Variants in SUGCT observed in about 807,000 individuals in gnomAD.
SUGCT encodes the protein succinyl-CoA:glutarate CoA-transferase.
A neutral mutation model predicts 55.0 loss-of-function variants in SUGCT; 41 were observed. The observed-to-expected ratio is 0.74, with a 90% CI of 0.58 to 0.97. The LOEUF (loss-of-function observed/expected upper bound fraction) is 0.97. Among genes scored for constraint, SUGCT ranks in the 50% least tolerant of loss-of-function variants. SUGCT has a pLI of 0.00. For missense variants in SUGCT, 568 were observed against 547.8 expected (o/e 1.04, Z -0.37); for synonymous variants, 187 against 200.4 (o/e 0.93, Z 0.56).
chr7:41,035,838 T>C, the SUGCT span, among the ~76,000 whole-genome samples: 1 of 152,146 alleles, frequency 6.6e-6, no homozygotes, highest in Non-Finnish European at 1.5e-5. Flanking sequence ...TGCCGACACC[T>C]CACCTCACAG....
intron 7 of SUGCT, among the ~76,000 whole-genome samples, chr7:40,254,786 G>A (rs570623046): frequency 6.6e-6 from 1 of 151,826 alleles, no homozygotes; most frequent in Non-Finnish European, 1.5e-5. Context: ...TCATTCAAAT[G>A]CCTTTTAAAT....
At chr7:40,147,322 C>G (rs1332357255) in intron 1 of SUGCT, among the ~76,000 whole-genome samples, 3 of 152,146 alleles carry the variant, frequency 2.0e-5, no homozygotes, top group East Asian at 1.9e-4. Flanking sequence ...TTCAACCCCC[C>G]CATCATGGGG....
At chr7:40,526,571 C>T (rs993668752) in intron 12 of SUGCT, among the ~76,000 whole-genome samples, 2 of 152,136 alleles carry the variant, frequency 1.3e-5, no homozygotes, top group Non-Finnish European at 2.9e-5. Flanking sequence ...TTCCCAGTGA[C>T]GTTGATGCTG....
intron 13 of SUGCT, among the ~76,000 whole-genome samples, chr7:40,777,169 T>G (rs1405574414): frequency 6.6e-6 from 1 of 152,224 alleles, no homozygotes; most frequent in Non-Finnish European, 1.5e-5. Context: ...AGATAGTGGT[T>G]GTTCAGATTC....
chr7:40,833,015 G>C (rs145567396), intron 13 of SUGCT, among the ~76,000 whole-genome samples: 1 of 151,612 alleles, frequency 6.6e-6, no homozygotes, highest in Admixed American at 6.6e-5. Context: ...CCATCCCCTC[G>C]GTCCATAGAC....
At chr7:40,921,273 G>A in the SUGCT span, among the ~76,000 whole-genome samples, 5 of 152,012 alleles carry the variant, frequency 3.3e-5, no homozygotes, top group East Asian at 9.6e-4. Context: ...TGGAAGCGAG[G>A]TGAATAAATT....
At chr7:40,199,723 C>T (rs1455157062) in intron 6 of SUGCT, among the ~76,000 whole-genome samples, 1 of 151,400 alleles carries the variant, frequency 6.6e-6, no homozygotes, top group Non-Finnish European at 1.5e-5. Flanking sequence ...GAAGGATAAA[C>T]ATTTCATTAT....
chr7:40,438,852 G>A (rs1250897025), intron 9 of SUGCT, among the ~76,000 whole-genome samples: 1 of 151,478 alleles, frequency 6.6e-6, no homozygotes, highest in African/African-American at 2.4e-5. Context: ...AGAAGGAGGA[G>A]TGATTTGCAG....
intron 12 of SUGCT, among the ~76,000 whole-genome samples, chr7:40,630,929 C>T (rs891276141): frequency 1.3e-5 from 2 of 152,096 alleles, no homozygotes; most frequent in African/African-American, 4.8e-5. Flanking sequence ...GTACAAAAAT[C>T]TTATGATATG....
chr7:40,791,660 T>C (rs2128745087), intron 13 of SUGCT, among the ~76,000 whole-genome samples: 1 of 152,316 alleles, frequency 6.6e-6, no homozygotes, highest in East Asian at 1.9e-4. Flanking sequence ...GGCAAGTTTT[T>C]ACAATCAAGG....
At chr7:40,837,600 T>C (rs1259369610) in intron 13 of SUGCT, among the ~76,000 whole-genome samples, 1 of 152,170 alleles carries the variant, frequency 6.6e-6, no homozygotes, top group African/African-American at 2.4e-5. Context: ...ATTATTATTT[T>C]TGAGACAGAG....
chr7:40,222,197 T>G (rs571094115), intron 6 of SUGCT, among the ~76,000 whole-genome samples: 2 of 152,374 alleles, frequency 1.3e-5, no homozygotes, highest in African/African-American at 4.8e-5. Context: ...TAAAAAAGTC[T>G]GGTGGTGAGA....
intron 7 of SUGCT, among the ~76,000 whole-genome samples, chr7:40,269,317 T>A (rs1791841103): frequency 6.6e-6 from 1 of 151,854 alleles, no homozygotes; most frequent in Non-Finnish European, 1.5e-5. Flanking sequence ...TTTTTTATTT[T>A]ATTTATTTAT....
At position 40,710,733 on chromosome 7, in the gene SUGCT, T is replaced by C. The variant is rs190554673; in HGVS notation, c.1090-38701T>C. On this transcript the variant is annotated intron_variant, in intron 12 of 13. Coordinates refer to ENST00000335693, the MANE Select transcript of SUGCT (RefSeq NM_001193313.2). Reference sequence around the variant, plus strand: ...TTGAGTGGAGAGCCCAGCAAATAATTATCCACTTACTGAAAGATCAACCCC... The same window carrying C: ...TTGAGTGGAGAGCCCAGCAAATAATCATCCACTTACTGAAAGATCAACCCC... Among the ~76,000 whole-genome samples the C allele has an allele frequency of 8.3e-4, 126 of 152,320 alleles. No homozygotes were observed. In the East Asian group the frequency reaches 0.011, roughly 13 times the overall value.
intron 1 of SUGCT, among the ~76,000 whole-genome samples, chr7:40,164,453 A>T (rs949882866): frequency 6.6e-6 from 1 of 152,158 alleles, no homozygotes; most frequent in East Asian, 1.9e-4. Context: ...AAGAGAAAAC[A>T]TGGAAATTAA....
chr7:40,393,562 T>A (rs1251116769), intron 9 of SUGCT, among the ~76,000 whole-genome samples: 2 of 152,044 alleles, frequency 1.3e-5, no homozygotes, highest in African/African-American at 4.8e-5. Context: ...TGGAGTTTTT[T>A]GGGGGGTTGA....
At chr7:40,808,607 T>C (rs3815265) in intron 13 of SUGCT, among the ~76,000 whole-genome samples, 46,880 of 152,076 alleles carry the variant, frequency 0.31, 7,736 homozygotes, top group South Asian at 0.44. Flanking sequence ...TGGGTTGGGA[T>C]AAGGAACTGG....
At chr7:40,186,130 T>G (rs1441271348) in intron 3 of SUGCT, among the ~76,000 whole-genome samples, 1 of 138,390 alleles carries the variant, frequency 7.2e-6, no homozygotes, top group Non-Finnish European at 1.5e-5. Flanking sequence ...TTTCTTTCCT[T>G]CTTTCTTTCT....
At chr7:40,251,410 C>T (rs1205684345) in intron 7 of SUGCT, among the ~76,000 whole-genome samples, 3 of 152,134 alleles carry the variant, frequency 2.0e-5, no homozygotes, top group Non-Finnish European at 1.5e-5. Flanking sequence ...AATAATTCCC[C>T]CAATTTGCAG....
Sources: allele counts gnomAD v4.1 joint callset (sites outside exome capture counted in the v4.1 genomes callset), GRCh38; gene constraint gnomAD v4.1.1; transcripts MANE v1.5; gene names NCBI Gene and HGNC (gene_info 2026-07-23, HGNC 2026-07-21).